The following PDE10A variants were observed in gnomAD, a reference collection of about 807,000 sequenced individuals.
PDE10A encodes phosphodiesterase 10A.
A neutral mutation model predicts 97.7 loss-of-function variants in PDE10A; 39 were observed. That is an observed-to-expected ratio of 0.40 (90% CI 0.31 to 0.52). The LOEUF (loss-of-function observed/expected upper bound fraction) is 0.52. PDE10A is among the 20% of genes least tolerant of loss of function. The probability of loss-of-function intolerance (pLI) is 0.56; values close to 1 mark genes in which losing one functional copy is unlikely to be tolerated. For missense variants in PDE10A, 731 were observed against 1,047.8 expected, an observed-to-expected ratio of 0.70 and a Z score of 4.17; for synonymous variants, 371 against 376.8, an observed-to-expected ratio of 0.98 and a Z score of 0.18.
chr6:165,861,289 A>G (rs1780893210), intron 1 of PDE10A, among the ~76,000 whole-genome samples: 2 of 152,056 alleles, frequency 1.3e-5, no homozygotes, highest in Non-Finnish European at 2.9e-5. Flanking sequence ...TGCCAGGGAC[A>G]CTGCTGTGAA....
intron 2 of PDE10A, among the ~76,000 whole-genome samples, chr6:165,495,332 A>T (rs1431281745): frequency 6.6e-6 from 1 of 151,694 alleles, no homozygotes; most frequent in Admixed American, 6.6e-5. Context: ...AAAGAGAGAG[A>T]AGGAGAGGGG....
chr6:165,763,239 G>A (rs895845713), intron 1 of PDE10A, among the ~76,000 whole-genome samples: 2 of 152,126 alleles, frequency 1.3e-5, no homozygotes, highest in East Asian at 1.9e-4. Context: ...TGCTCGCCTC[G>A]TTTTCTCCTT....
intron 1 of PDE10A, among the ~76,000 whole-genome samples, chr6:165,816,600 G>A (rs1468247557): frequency 1.3e-5 from 2 of 152,230 alleles, no homozygotes; most frequent in Non-Finnish European, 2.9e-5. Flanking sequence ...TGAATACCTG[G>A]AAAGTTCTTA....
rs1327070657 is a variant in PDE10A at position 165,392,744 on chromosome 6, G to T, written c.2356C>A (p.Arg786=). 6.2e-7 allele frequency: 1 copy of T among 1,613,690 alleles called. No homozygotes were observed. Among genetic ancestry groups the T allele is most frequent in the Non-Finnish European group, 8.5e-7 (1 of 1,179,752 alleles). The part of the protein sequence containing the change: ...RFIMSVKKNY[R]RVPYHNWKHA... ...TTCCAGTTGTGATAAGGAACCCGCC[G>T]ATAGTTCTTCTTCACAGACATAATA... Residue 786 remains arginine (R), a synonymous_variant, in exon 16 of 22, where the codon CGG becomes AGG. Transcript: ENST00000539869.
At chr6:165,647,148 G>C (rs186995448) in intron 1 of PDE10A, among the ~76,000 whole-genome samples, 126 of 152,312 alleles carry the variant, frequency 8.3e-4, no homozygotes, top group African/African-American at 3.0e-3. Context: ...CACACACAGA[G>C]TTAAGAATAC....
At chr6:165,551,507 A>C (rs1443253458) in intron 1 of PDE10A, among the ~76,000 whole-genome samples, 1 of 152,240 alleles carries the variant, frequency 6.6e-6, no homozygotes, top group Non-Finnish European at 1.5e-5. Flanking sequence ...TATTTACTTA[A>C]TAAATGAATT....
chr6:165,833,054 TCTG>T (rs1779969255), intron 1 of PDE10A, among the ~76,000 whole-genome samples: 2 of 152,238 alleles, frequency 1.3e-5, no homozygotes, highest in African/African-American at 4.8e-5. Context: ...ATTCGAATAA[TCTG>T]CTCATTCTTA....
chr6:165,964,185 T>C (rs1315091330), intron 1 of PDE10A, among the ~76,000 whole-genome samples: 1 of 152,164 alleles, frequency 6.6e-6, no homozygotes, highest in East Asian at 1.9e-4. Context: ...AGGAGCAACT[T>C]GTCAAGGTTT....
At chr6:165,806,097 C>T (rs1779131819) in intron 1 of PDE10A, among the ~76,000 whole-genome samples, 1 of 129,682 alleles carries the variant, frequency 7.7e-6, no homozygotes, top group African/African-American at 2.9e-5. Flanking sequence ...ACATCTTTTT[C>T]TGGGCCTCAT....
intron 1 of PDE10A, among the ~76,000 whole-genome samples, chr6:165,762,229 G>A (rs1793268104): frequency 6.6e-6 from 1 of 152,194 alleles, no homozygotes; most frequent in African/African-American, 2.4e-5. Flanking sequence ...CTTCCCTGCT[G>A]TGTAAACCCG....
chr6:165,577,080 A>C (rs4235950), intron 1 of PDE10A, among the ~76,000 whole-genome samples: 1 of 152,212 alleles, frequency 6.6e-6, no homozygotes, highest in Non-Finnish European at 1.5e-5. Flanking sequence ...AAGCAGATCC[A>C]AAGGGTGTGA....
At chr6:165,459,502 TAGATAGATAGATAGATAGATAGACAGAC>T (rs1283201836) in intron 3 of PDE10A, among the ~76,000 whole-genome samples, 1 of 48,128 alleles carries the variant, frequency 2.1e-5, no homozygotes, top group South Asian at 8.3e-4. Flanking sequence ...GATAGATAGA[TAGATAGATAGATAGATAGATAGACAGAC>T]AGACAGACAG....
chr6:165,420,428 G>C (rs1470898028), intron 10 of PDE10A, among the ~76,000 whole-genome samples: 2 of 152,136 alleles, frequency 1.3e-5, no homozygotes, highest in Admixed American at 1.3e-4. Flanking sequence ...GAGGAAAAAT[G>C]AATGACATAA....
At chr6:165,353,746 G>A (rs889754126) in intron 18 of PDE10A, among the ~76,000 whole-genome samples, 15 of 152,124 alleles carry the variant, frequency 9.9e-5, no homozygotes, top group African/African-American at 3.4e-4. Flanking sequence ...GAATGAATAG[G>A]CTGAGCACAA....
chr6:165,848,805 G>A (rs1351095938), intron 1 of PDE10A, among the ~76,000 whole-genome samples: 1 of 152,184 alleles, frequency 6.6e-6, no homozygotes, highest in Non-Finnish European at 1.5e-5. Flanking sequence ...ATAGGGCCGG[G>A]GGAGGAAGGG....
At chr6:165,433,986 C>T (rs1789801708) in intron 6 of PDE10A, among the ~76,000 whole-genome samples, 1 of 131,110 alleles carries the variant, frequency 7.6e-6, no homozygotes, top group Non-Finnish European at 1.5e-5. Flanking sequence ...CACTGCACTC[C>T]AGCCTGGGCG....
intron 2 of PDE10A, among the ~76,000 whole-genome samples, chr6:165,505,135 G>A (rs569404724): frequency 1.7e-4 from 26 of 152,124 alleles, no homozygotes; most frequent in Non-Finnish European, 2.5e-4. Flanking sequence ...GATTTTGTAA[G>A]TCACCTAATA....
chr6:165,335,981 G>A, intron 21 of PDE10A, 142 bp downstream of exon 21: 1 of 709,460 alleles, frequency 1.4e-6, no homozygotes, highest in Non-Finnish European at 2.5e-6. Context: ...AGCCAGGTAA[G>A]GAGGCCCCGA....
At chr6:165,416,773 G>A (rs1486020013) in intron 11 of PDE10A, among the ~76,000 whole-genome samples, 2 of 152,154 alleles carry the variant, frequency 1.3e-5, no homozygotes, top group African/African-American at 4.8e-5. Flanking sequence ...ACGTGAGCTT[G>A]AGATATTATA....
Sources: allele counts gnomAD v4.1 joint callset (sites outside exome capture counted in the v4.1 genomes callset), GRCh38; gene constraint gnomAD v4.1.1; transcripts MANE v1.5; gene names NCBI Gene and HGNC (gene_info 2026-07-23, HGNC 2026-07-21).